ABCA13: variants seen among roughly 807,000 people sequenced by gnomAD.
ABCA13 encodes ATP binding cassette subfamily A member 13, also known as ATP-binding cassette sub-family A member 13.
A neutral mutation model predicts 478.7 loss-of-function variants in ABCA13; 476 were observed. That is an observed-to-expected ratio of 0.99 (90% CI 0.92 to 1.07). ABCA13 has a LOEUF of 1.07. Among genes scored for constraint, ABCA13 ranks in the 50% least tolerant of loss-of-function variants. The probability of loss-of-function intolerance (pLI) is 0.00; values close to 1 mark genes in which losing one functional copy is unlikely to be tolerated. For missense variants in ABCA13, 6,060 were observed against 5,910.6 expected, an observed-to-expected ratio of 1.03 and a Z score of -0.83; for synonymous variants, 2,252 against 2,158.9, an observed-to-expected ratio of 1.04 and a Z score of -1.20.
At chr7:48,471,727 C>T (rs1827523519) in intron 45 of ABCA13, 128 bp downstream of exon 45, 2 of 859,256 alleles carry the variant, frequency 2.3e-6, no homozygotes, top group Non-Finnish European at 3.6e-6. Context: ...CCTGGATTAG[C>T]TGTTTCTGGG....
At chr7:48,182,566 G>A (rs1031274244) in intron 1 of ABCA13, among the ~76,000 whole-genome samples, 2 of 152,026 alleles carry the variant, frequency 1.3e-5, no homozygotes, top group Admixed American at 6.6e-5. Flanking sequence ...CTAGCTCAAT[G>A]TTTGAGAAAG....
Position 48,187,268 on chromosome 7 carries a change from CT to C in ABCA13, c.70-5677del, listed in dbSNP as rs539089022. Among the ~76,000 whole-genome samples the C allele has an allele frequency of 7.0e-3, 893 of 127,386 alleles. 7 individuals are homozygous for C. The highest frequency in any genetic ancestry group is 0.02 in the African/African-American group (692 of 35,076). 83.6% of individuals were successfully genotyped at this position (127,386 alleles called of 152,430 possible). A position where few individuals can be genotyped will look rare whatever the true frequency, so the allele number is the denominator to read the frequency against. On this transcript the variant is annotated intron_variant, in intron 1 of 61. Transcript: ENST00000435803. ...TTTTCTTCTCTTGTTAGGGAGTTGTCTTTTTTTTTTTTTTGTCTGTCTAGAC... is the reference window on the plus strand; with the variant it reads ...TTTTCTTCTCTTGTTAGGGAGTTGTCTTTTTTTTTTTTTGTCTGTCTAGAC...
At chr7:48,405,819 A>T (rs755880436) in intron 39 of ABCA13, among the ~76,000 whole-genome samples, 41 of 151,842 alleles carry the variant, frequency 2.7e-4, no homozygotes, top group Non-Finnish European at 5.7e-4. Flanking sequence ...TACAAACCAA[A>T]TATTTTCTCA....
Position 48,248,307 on chromosome 7 carries a change from G to A in ABCA13, c.1728G>A (p.Leu576=). The change falls in exon 14 of 62, where the codon TTG becomes TTA. Residue 576 remains leucine, a synonymous_variant. Transcript: ENST00000435803. ...CAGTTTTAATACCTGAAGAATATTT[G>A]GACTGGCAGGAACTTGAGATGCAGC... ...NMSVLIPEEY[L]DWQELEMQLS... 2 of 1,613,812 alleles carry A rather than the reference G, an allele frequency of 1.2e-6. No homozygotes were observed. The highest frequency in any genetic ancestry group is 1.7e-6 in the Non-Finnish European group (2 of 1,179,778).
intron 55 of ABCA13, among the ~76,000 whole-genome samples, chr7:48,532,078 A>G (rs960121426): frequency 5.3e-5 from 8 of 151,846 alleles, no homozygotes; most frequent in Non-Finnish European, 8.8e-5. Context: ...TCTTGTTCCA[A>G]TTCTCAGGGG....
At chr7:48,214,300 TCCATTTATAGAGCACAGAAGC>T (rs958826461) in intron 3 of ABCA13, among the ~76,000 whole-genome samples, 1 of 152,166 alleles carries the variant, frequency 6.6e-6, no homozygotes, top group Non-Finnish European at 1.5e-5. Context: ...GCTTTGATAT[TCCATTTATAGAGCACAGAAGC>T]AGTTGATTTA....
chr7:48,418,314 G>T (rs1290998462), intron 41 of ABCA13, among the ~76,000 whole-genome samples: 1 of 152,194 alleles, frequency 6.6e-6, no homozygotes, highest in Non-Finnish European at 1.5e-5. Context: ...CAATGAATGG[G>T]AGTTTCTGTT....
intron 59 of ABCA13, among the ~76,000 whole-genome samples, chr7:48,627,299 C>T (rs1793758307): frequency 6.6e-6 from 1 of 151,994 alleles, no homozygotes; most frequent in Non-Finnish European, 1.5e-5. Context: ...CTCAACCAAC[C>T]TTATGTATAA....
At chr7:48,379,568 T>G (rs1814027523) in intron 35 of ABCA13, among the ~76,000 whole-genome samples, 1 of 152,074 alleles carries the variant, frequency 6.6e-6, no homozygotes, top group Non-Finnish European at 1.5e-5. Context: ...ATTCAGTTGC[T>G]TATGCTTATG....
chr7:48,377,088 C>T (rs947869423), intron 35 of ABCA13, among the ~76,000 whole-genome samples: 1 of 151,616 alleles, frequency 6.6e-6, no homozygotes, highest in Non-Finnish European at 1.5e-5. Flanking sequence ...AACCACAGGG[C>T]TTTCACTGTT....
At chr7:48,288,103 G>C (rs771812415) in intron 20 of ABCA13, 25 bp downstream of exon 20, 1 of 1,596,846 alleles carries the variant, frequency 6.3e-7, no homozygotes, top group Non-Finnish European at 8.6e-7. Context: ...ATATTTCAGA[G>C]AATTTCATGT....
chr7:48,288,459 C>T (rs116959022), intron 20 of ABCA13, among the ~76,000 whole-genome samples: 1 of 152,140 alleles, frequency 6.6e-6, no homozygotes, highest in African/African-American at 2.4e-5. Context: ...GTATGTTTTA[C>T]TGTTATCTCT....
chr7:48,298,604 T>C, intron 23 of ABCA13, 117 bp downstream of exon 23: 1 of 1,225,152 alleles, frequency 8.2e-7, no homozygotes, highest in South Asian at 2.2e-5. Context: ...GCTAGTGTAG[T>C]GGGTTGCTGC....
At chr7:48,277,592 G>C (rs1358510171) in intron 17 of ABCA13, among the ~76,000 whole-genome samples, 1 of 152,134 alleles carries the variant, frequency 6.6e-6, no homozygotes, top group East Asian at 1.9e-4. Context: ...TCTCATGAGA[G>C]AATCTCCCCT....
intron 24 of ABCA13, 69 bp downstream of exon 24, chr7:48,310,210 A>G (rs745694722): frequency 8.2e-5 from 125 of 1,516,272 alleles, no homozygotes; most frequent in Non-Finnish European, 1.1e-4. Flanking sequence ...AGATAAGTAC[A>G]GTAGTCCTAG....
intron 44 of ABCA13, among the ~76,000 whole-genome samples, chr7:48,470,505 A>G (rs1323424895): frequency 6.6e-6 from 1 of 152,210 alleles, no homozygotes; most frequent in African/African-American, 2.4e-5. Flanking sequence ...TTAAATACGT[A>G]ACTCTCTTAG....
chr7:48,198,917 A>G (rs1163211127), intron 3 of ABCA13, among the ~76,000 whole-genome samples: 1 of 152,174 alleles, frequency 6.6e-6, no homozygotes, highest in Non-Finnish European at 1.5e-5. Flanking sequence ...CCTTAAACTC[A>G]AGAAGAGAAG....
At chr7:48,527,798 CAT>C (rs1465431457) in intron 54 of ABCA13, among the ~76,000 whole-genome samples, 2 of 152,028 alleles carry the variant, frequency 1.3e-5, no homozygotes, top group East Asian at 3.9e-4. Flanking sequence ...CAGACAAACA[CAT>C]ATGTATATAC....
chr7:48,602,490 C>G (rs1563492538), intron 58 of ABCA13, among the ~76,000 whole-genome samples: 1 of 152,096 alleles, frequency 6.6e-6, no homozygotes, highest in Non-Finnish European at 1.5e-5. Context: ...AATTCTTTCC[C>G]CATTGCTTGT....
Sources: gnomAD v4.1 joint callset for allele counts (sites outside exome capture counted in the v4.1 genomes callset) on GRCh38, gnomAD v4.1.1 for gene constraint, MANE v1.5 for transcripts, NCBI Gene and HGNC (gene_info 2026-07-23, HGNC 2026-07-21) for gene names.